Variants in ATP8B4 observed in about 807,000 individuals in gnomAD.
The protein encoded by ATP8B4 is ATPase phospholipid transporting 8B4 (putative).
ATP8B4 carries 133 observed loss-of-function variants against 145.6 expected under a neutral mutation model. The observed-to-expected ratio is 0.91, with a 90% CI of 0.79 to 1.05. The LOEUF is 1.05. Among genes scored for constraint, ATP8B4 ranks in the 50% least tolerant of loss-of-function variants. The pLI is 0.00. For missense variants in ATP8B4, 1,458 were observed against 1,425.2 expected, an observed-to-expected ratio of 1.02 and a Z score of -0.37; for synonymous variants, 507 against 492.9, an observed-to-expected ratio of 1.03 and a Z score of -0.38.
intron 2 of ATP8B4, among the ~76,000 whole-genome samples, chr15:50,105,539 G>T (rs1179298180): frequency 6.6e-6 from 1 of 152,084 alleles, no homozygotes; most frequent in Non-Finnish European, 1.5e-5. Flanking sequence ...AGTTTAAAGA[G>T]GAGGTTTCAA....
chr15:49,891,718 T>C (rs181849898), intron 23 of ATP8B4, among the ~76,000 whole-genome samples: 23 of 152,308 alleles, frequency 1.5e-4, no homozygotes, highest in Admixed American at 1.4e-3. Flanking sequence ...GTCCTTTTCA[T>C]TATTTTGTTT....
At chr15:50,032,430 A>G (rs1295433725) in intron 6 of ATP8B4, among the ~76,000 whole-genome samples, 1 of 152,140 alleles carries the variant, frequency 6.6e-6, no homozygotes, top group Non-Finnish European at 1.5e-5. Context: ...TATCCAGTCT[A>G]TCATTGATGG....
At chr15:49,865,234 C>A (rs1046463801) in intron 26 of ATP8B4, among the ~76,000 whole-genome samples, 2 of 152,206 alleles carry the variant, frequency 1.3e-5, no homozygotes, top group African/African-American at 4.8e-5. Context: ...GAACAGGGTT[C>A]AAAGAGTTCC....
chr15:50,017,859 T>C (rs139732578), intron 6 of ATP8B4, among the ~76,000 whole-genome samples: 80 of 152,376 alleles, frequency 5.3e-4, no homozygotes, highest in African/African-American at 1.9e-3. Flanking sequence ...GATTTACTTA[T>C]TAGGTTTGCA....
chr15:49,923,447 T>C lies in ATP8B4; in HGVS notation c.1690A>G (p.Thr564Ala). The change falls in exon 17 of 28, where the codon ACT becomes GCT. Residue 564 changes from threonine to alanine, a missense_variant. By Grantham distance (58) the Thr-to-Ala change is moderately conservative. Coordinates refer to ENST00000284509, the MANE Select transcript of ATP8B4 (RefSeq NM_024837.4). ...GGATGAAGTTTTTCAAACAGAATAG[T>C]ATCTGCTCCTTTGGAATAAAGCTTT... ...QIKLYSKGAD[T>A]ILFEKLHPSN... The C allele has an allele frequency of 1.2e-6, 2 of 1,613,122 alleles. No individual in the cohort carries two copies. Among genetic ancestry groups the C allele is most frequent in the Non-Finnish European group, 8.5e-7 (1 of 1,179,708 alleles).
At chr15:50,115,360 TA>T (rs72335184) in intron 1 of ATP8B4, among the ~76,000 whole-genome samples, 1,544 of 151,608 alleles carry the variant, frequency 0.01, 24 homozygotes, top group African/African-American at 0.036. Flanking sequence ...ATAAAAATTT[TA>T]AAAAAGGATG....
In ATP8B4 at chr15:49,956,051, A is replaced by G. The variant is rs187745373; in HGVS notation, c.1287+5926T>C. Among the ~76,000 whole-genome samples the G allele has an allele frequency of 1.1e-3, 167 of 152,294 alleles. 1 individual carries two copies. Among genetic ancestry groups the G allele is most frequent in the African/African-American group, 3.9e-3 (163 of 41,560 alleles). ...TGGAATTCAATAAAGAACAGAAAAA[A>G]ATAGTGGGAAAAGATTCAATAGTAA... On this transcript the variant is annotated intron_variant, in intron 14 of 27. Coordinates refer to ENST00000284509, the MANE Select transcript of ATP8B4 (RefSeq NM_024837.4).
intron 6 of ATP8B4, among the ~76,000 whole-genome samples, chr15:50,031,864 A>C (rs1310302946): frequency 1.3e-5 from 2 of 152,180 alleles, no homozygotes; most frequent in Non-Finnish European, 2.9e-5. Flanking sequence ...GAATCAATAC[A>C]CAAATTTGCT....
At chr15:50,098,228 A>C (rs1054729973) in intron 2 of ATP8B4, among the ~76,000 whole-genome samples, 2 of 142,500 alleles carry the variant, frequency 1.4e-5, no homozygotes, top group Non-Finnish European at 3.0e-5. Flanking sequence ...TGTGTCATGA[A>C]AATACATGAG....
At chr15:50,144,231 G>A (rs1217147480) in intron 1 of ATP8B4, among the ~76,000 whole-genome samples, 2 of 152,188 alleles carry the variant, frequency 1.3e-5, no homozygotes, top group Non-Finnish European at 2.9e-5. Context: ...CCTAAAGTAT[G>A]ATGATGGTGG....
intron 10 of ATP8B4, chr15:49,982,459 C>T (rs921788419): frequency 6.6e-6 from 1 of 152,010 alleles, no homozygotes; most frequent in African/African-American, 2.4e-5. Flanking sequence ...AGCCATAGCA[C>T]CCTGAACATA....
chr15:49,923,548 A>G, intron 16 of ATP8B4, 54 bp from the exon 17 acceptor site: 5 of 1,264,266 alleles, frequency 4.0e-6, no homozygotes, highest in Non-Finnish European at 5.6e-6. Flanking sequence ...ATACATCAAA[A>G]TTAGATTCTC....
At chr15:50,134,246 G>T (rs1210645386) in intron 1 of ATP8B4, among the ~76,000 whole-genome samples, 1 of 152,072 alleles carries the variant, frequency 6.6e-6, no homozygotes, top group Admixed American at 6.6e-5. Flanking sequence ...TTAAAAGTTG[G>T]AGTTTAGCAG....
chr15:50,112,953 T>C (rs1288423491), intron 1 of ATP8B4, among the ~76,000 whole-genome samples: 1 of 152,152 alleles, frequency 6.6e-6, no homozygotes, highest in South Asian at 2.1e-4. Flanking sequence ...AGAGGCTCCC[T>C]GTGAGGGCTG....
At chr15:50,036,758 C>G (rs931882443) in intron 6 of ATP8B4, among the ~76,000 whole-genome samples, 17 of 152,190 alleles carry the variant, frequency 1.1e-4, no homozygotes, top group African/African-American at 4.1e-4. Flanking sequence ...AGGACCCCTA[C>G]CCTAGAGAAG....
chr15:49,883,250 A>G (rs2035703286), intron 23 of ATP8B4: 1 of 152,086 alleles, frequency 6.6e-6, no homozygotes, highest in South Asian at 2.1e-4. Context: ...CTGAGAAATT[A>G]TGGCGTACTC....
chr15:50,072,625 T>G (rs1490904014), intron 3 of ATP8B4, among the ~76,000 whole-genome samples: 1 of 150,396 alleles, frequency 6.6e-6, no homozygotes, highest in Non-Finnish European at 1.5e-5. Flanking sequence ...TTATCTTTTG[T>G]TTTTTTTTCC....
chr15:50,084,230 C>T (rs2054746042), intron 2 of ATP8B4, among the ~76,000 whole-genome samples: 1 of 152,178 alleles, frequency 6.6e-6, no homozygotes. Context: ...TCACCACAGT[C>T]TCATCTCAGC....
chr15:49,895,955 T>C (rs1170679895), intron 23 of ATP8B4: 5 of 152,216 alleles, frequency 3.3e-5, no homozygotes, highest in Admixed American at 6.5e-5. Context: ...CTTTGGAATA[T>C]GAAAATTAGA....
Sources: gnomAD v4.1 joint callset for allele counts (sites outside exome capture counted in the v4.1 genomes callset) on GRCh38, gnomAD v4.1.1 for gene constraint, MANE v1.5 for transcripts, NCBI Gene and HGNC (gene_info 2026-07-23, HGNC 2026-07-21) for gene names.